RPS6KC1: variants seen among roughly 807,000 people sequenced by gnomAD.
RPS6KC1 encodes inactive ribosomal protein S6 kinase delta-1.
A neutral mutation model predicts 103.8 loss-of-function variants in RPS6KC1; 54 were observed. The observed-to-expected ratio is 0.52, with a 90% CI of 0.42 to 0.65. RPS6KC1 has a LOEUF of 0.65. Among genes scored for constraint, RPS6KC1 ranks in the 30% least tolerant of loss-of-function variants. The probability of loss-of-function intolerance (pLI) is 0.00; values close to 1 mark genes in which losing one functional copy is unlikely to be tolerated. For synonymous variants in RPS6KC1, 439 were observed against 438.7 expected (o/e 1.00, Z -0.01); for missense variants, 1,151 against 1,253.8 (o/e 0.92, Z 1.24).
At chr1:213,689,350 C>T in the RPS6KC1 span, among the ~76,000 whole-genome samples, 20 of 152,336 alleles carry the variant, frequency 1.3e-4, no homozygotes, top group African/African-American at 4.8e-4. Flanking sequence ...CATCCCATGC[C>T]CCTCCTCAGC....
chr1:213,480,817 A>G, the RPS6KC1 span, among the ~76,000 whole-genome samples: 2 of 152,106 alleles, frequency 1.3e-5, no homozygotes, highest in Non-Finnish European at 2.9e-5. Flanking sequence ...TTCTATTTCT[A>G]GATAGCTAAA....
chr1:213,140,271 G>A (rs541547346), intron 6 of RPS6KC1, among the ~76,000 whole-genome samples: 1 of 152,020 alleles, frequency 6.6e-6, no homozygotes, highest in Non-Finnish European at 1.5e-5. Flanking sequence ...TCTAGGTATA[G>A]TATCTTGCGA....
the RPS6KC1 span, among the ~76,000 whole-genome samples, chr1:213,685,189 A>T: frequency 6.6e-6 from 1 of 152,170 alleles, no homozygotes; most frequent in African/African-American, 2.4e-5. Flanking sequence ...GAACTGCGCT[A>T]ATTCTCTTCT....
chr1:213,140,688 A>G (rs886748011), intron 6 of RPS6KC1, among the ~76,000 whole-genome samples: 1 of 152,068 alleles, frequency 6.6e-6, no homozygotes, highest in Admixed American at 6.6e-5. Flanking sequence ...AATAAATCCT[A>G]CTTGAGCATG....
At chr1:213,207,970 G>C (rs1043028073) in intron 8 of RPS6KC1, among the ~76,000 whole-genome samples, 12 of 152,294 alleles carry the variant, frequency 7.9e-5, no homozygotes, top group African/African-American at 2.9e-4. Flanking sequence ...ACCGTACCCG[G>C]TCTTGAATAC....
chr1:213,784,543 A>T, the RPS6KC1 span, among the ~76,000 whole-genome samples: 13 of 152,042 alleles, frequency 8.6e-5, no homozygotes, highest in African/African-American at 2.4e-4. Flanking sequence ...GAGGATTAAG[A>T]TGAACCCTTA....
the RPS6KC1 span, among the ~76,000 whole-genome samples, chr1:213,676,977 G>C: frequency 6.6e-6 from 1 of 152,238 alleles, no homozygotes; most frequent in East Asian, 1.9e-4. Flanking sequence ...GAGGCCCTCT[G>C]CTGAGGAGCA....
the RPS6KC1 span, among the ~76,000 whole-genome samples, chr1:213,355,475 C>A: frequency 6.6e-6 from 1 of 152,044 alleles, no homozygotes; most frequent in Non-Finnish European, 1.5e-5. Flanking sequence ...GGAGTGTTTG[C>A]AATCTGATAT....
chr1:213,061,014 C>G (rs767183583), intron 1 of RPS6KC1, among the ~76,000 whole-genome samples: 1 of 152,046 alleles, frequency 6.6e-6, no homozygotes, highest in Non-Finnish European at 1.5e-5. Flanking sequence ...GATGAGGGCC[C>G]GCTTCCTGAT....
the RPS6KC1 span, among the ~76,000 whole-genome samples, chr1:213,706,418 C>G: frequency 6.6e-6 from 1 of 152,132 alleles, no homozygotes; most frequent in Admixed American, 6.5e-5. Context: ...ACACTCTTGG[C>G]AACATGCCAC....
chr1:213,410,694 C>T, the RPS6KC1 span, among the ~76,000 whole-genome samples: 1 of 152,060 alleles, frequency 6.6e-6, no homozygotes, highest in Non-Finnish European at 1.5e-5. Flanking sequence ...GGACACAGGC[C>T]TCACAGAGAA....
At chr1:213,051,773 A>G (rs1182298535) in intron 1 of RPS6KC1, among the ~76,000 whole-genome samples, 1 of 152,086 alleles carries the variant, frequency 6.6e-6, no homozygotes, top group East Asian at 1.9e-4. Context: ...TTTTAAATTG[A>G]TGACTCAGTT....
the RPS6KC1 span, among the ~76,000 whole-genome samples, chr1:213,601,175 A>T: frequency 2.0e-5 from 3 of 152,082 alleles, no homozygotes; most frequent in Admixed American, 2.0e-4. Flanking sequence ...AATCAAAATG[A>T]ATTAAATTTG....
the RPS6KC1 span, chr1:213,840,544 A>G: frequency 6.6e-6 from 1 of 152,326 alleles, no homozygotes; most frequent in South Asian, 2.1e-4. Flanking sequence ...GTATCAGAGG[A>G]AACTTGGAAA....
the RPS6KC1 span, among the ~76,000 whole-genome samples, chr1:213,469,938 G>A: frequency 2.0e-5 from 3 of 152,124 alleles, no homozygotes; most frequent in Non-Finnish European, 2.9e-5. Flanking sequence ...CAGGAGGACC[G>A]CTTGAGCCTA....
At chr1:213,664,511 T>C in the RPS6KC1 span, among the ~76,000 whole-genome samples, 1 of 152,188 alleles carries the variant, frequency 6.6e-6, no homozygotes, top group African/African-American at 2.4e-5. Context: ...CAGCTGCTAC[T>C]GCTAACAGGT....
chr1:213,073,368 C>CCTTG (rs2079040438), intron 2 of RPS6KC1, among the ~76,000 whole-genome samples: 1 of 152,282 alleles, frequency 6.6e-6, no homozygotes, highest in South Asian at 2.1e-4. Context: ...TTTATATATA[C>CCTTG]CTTGGCACAT....
At chr1:213,185,175 G>A (rs2092465353) in intron 8 of RPS6KC1, among the ~76,000 whole-genome samples, 1 of 152,084 alleles carries the variant, frequency 6.6e-6, no homozygotes, top group Admixed American at 6.6e-5. Flanking sequence ...TCTTAGATTT[G>A]TAGTCTGTTT....
At chr1:213,290,767 G>A in the RPS6KC1 span, among the ~76,000 whole-genome samples, 4 of 152,076 alleles carry the variant, frequency 2.6e-5, no homozygotes, top group Non-Finnish European at 5.9e-5. Context: ...AAAACCATGG[G>A]GTGCGTGAGG....
Sources: allele counts gnomAD v4.1 joint callset (sites outside exome capture counted in the v4.1 genomes callset), GRCh38; gene constraint gnomAD v4.1.1; transcripts MANE v1.5; gene names NCBI Gene and HGNC (gene_info 2026-07-23, HGNC 2026-07-21).